ATP2C2: variants seen among roughly 807,000 people sequenced by gnomAD.
The protein encoded by ATP2C2 is ATPase secretory pathway Ca2+ transporting 2.
A neutral mutation model predicts 110.8 loss-of-function variants in ATP2C2; 171 were observed. That is an observed-to-expected ratio of 1.54 (90% CI 1.36 to 1.75). ATP2C2 has a LOEUF of 1.75. ATP2C2 is among the 40% of genes most tolerant of loss of function. ATP2C2 has a pLI of 0.00. For missense variants in ATP2C2, 1,963 were observed against 1,235.0 expected (o/e 1.59, Z -8.84); for synonymous variants, 804 against 508.4 (o/e 1.58, Z -7.82).
At chr16:84,451,411 C>T (rs1178718782) in intron 17 of ATP2C2, among the ~76,000 whole-genome samples, 1 of 152,222 alleles carries the variant, frequency 6.6e-6, no homozygotes, top group Admixed American at 6.5e-5. Context: ...CTGTTTCTGG[C>T]TTCCTTCTCC....
chr16:84,449,044 A>T, intron 17 of ATP2C2, among the ~76,000 whole-genome samples: 1 of 152,080 alleles, frequency 6.6e-6, no homozygotes, highest in African/African-American at 2.4e-5. Flanking sequence ...CAAGGAACAT[A>T]TTTTTTCCCT....
intron 17 of ATP2C2, among the ~76,000 whole-genome samples, chr16:84,450,033 G>T (rs531863994): frequency 3.9e-5 from 6 of 152,378 alleles, no homozygotes; most frequent in African/African-American, 1.4e-4. Context: ...GCCTTCGCCC[G>T]GATGTCTGCT....
At chr16:84,459,514 A>C in intron 23 of ATP2C2, 128 bp downstream of exon 23, 1 of 1,562,488 alleles carries the variant, frequency 6.4e-7, no homozygotes, top group South Asian at 1.2e-5. Context: ...AGGAGTTCCC[A>C]GAAAACTGAA....
intron 16 of ATP2C2, among the ~76,000 whole-genome samples, chr16:84,447,096 A>T (rs1249724216): frequency 6.6e-6 from 1 of 152,178 alleles, no homozygotes; most frequent in Admixed American, 6.5e-5. Flanking sequence ...TTTCCTTAAA[A>T]GCTATTTTTT....
chr16:84,401,089 C>T (rs1460193058), intron 2 of ATP2C2, among the ~76,000 whole-genome samples: 4 of 152,112 alleles, frequency 2.6e-5, no homozygotes, highest in Non-Finnish European at 5.9e-5. Flanking sequence ...TCCATTTATC[C>T]ATTTTTGCTT....
intron 1 of ATP2C2, among the ~76,000 whole-genome samples, chr16:84,395,413 G>T (rs543901843): frequency 6.6e-6 from 1 of 151,940 alleles, no homozygotes; most frequent in Admixed American, 6.5e-5. Context: ...AAAGGTTGGG[G>T]GCACATGCTA....
intron 26 of ATP2C2, chr16:84,462,423 G>C: frequency 3.1e-6 from 1 of 324,146 alleles, no homozygotes; most frequent in South Asian, 6.1e-5. Flanking sequence ...AGCACGTGCA[G>C]GGAGGAAGGA....
chr16:84,368,720 T>G lies in ATP2C2; in HGVS notation c.99+6T>G. On this transcript the variant is annotated splice_donor_region_variant and intron_variant, in intron 1 of 26. Transcript: ENST00000262429. ...AGGACGAAGAGGAAGCCTTGGTGAG[T>G]CCCCGCGACTCCGCGCCGGGCGTGC... 1 of 1,515,518 alleles carries G rather than the reference T, an allele frequency of 6.6e-7. No homozygotes were observed. Among genetic ancestry groups the G allele is most frequent in the South Asian group, 1.2e-5 (1 of 81,680 alleles). The allele number at this position is 1,515,518 out of a possible 1,614,324, so 93.9% of individuals were successfully genotyped here.
At chr16:84,447,020 A>G (rs1909813006) in intron 16 of ATP2C2, among the ~76,000 whole-genome samples, 1 of 151,512 alleles carries the variant, frequency 6.6e-6, no homozygotes, top group Admixed American at 6.6e-5. Flanking sequence ...AGCTATGGCC[A>G]CCCCGGGTGG....
Position 84,422,631 on chromosome 16 carries a change from G to A in ATP2C2, c.777G>A (p.Gly259=), listed in dbSNP as rs761320433. ...ACTTCTCTCTCTCCTGGACACAGGG[G>A]GTCGTGATTGGAACAGGGGAAAGCT... ...GTLVQYGRGQ[G]VVIGTGESSQ... The change falls in exon 9 of 27, where the codon GGG becomes GGA. Residue 259 remains glycine, a splice_region_variant and synonymous_variant. Coordinates refer to ENST00000262429, the MANE Select transcript of ATP2C2 (RefSeq NM_014861.4). The A allele has an allele frequency of 6.2e-7, 1 of 1,613,190 alleles. No homozygotes were observed. Among genetic ancestry groups the A allele is most frequent in the Non-Finnish European group, 8.5e-7 (1 of 1,179,638 alleles).
At chr16:84,442,422 C>G (rs1909348818) in intron 14 of ATP2C2, 88 bp from the exon 15 acceptor site, 27 of 1,262,220 alleles carry the variant, frequency 2.1e-5, no homozygotes, top group African/African-American at 2.9e-5. Context: ...CCCCACAACC[C>G]CAGCTGTAAA....
chr16:84,440,549 C>T (rs901204140), intron 13 of ATP2C2, among the ~76,000 whole-genome samples: 2 of 152,182 alleles, frequency 1.3e-5, no homozygotes, highest in Non-Finnish European at 2.9e-5. Flanking sequence ...AACACGTTTA[C>T]CCAGCGCTGT....
chr16:84,421,700 C>T lies in ATP2C2; in HGVS notation c.625-690C>T, dbSNP rs560702168. 6.6e-5 allele frequency among the ~76,000 whole-genome samples: 10 copies of T among 152,256 alleles called. No individual in the cohort carries two copies. In the East Asian group the frequency reaches 1.9e-3, roughly 29 times the overall value. ...AAGAGTATCGTTTCTGGAACCAGAG[C>T]TTCGGTTCAAATCTCTGTTTTGCCA... On this transcript the variant is annotated intron_variant, in intron 7 of 26. Transcript: ENST00000262429.
At chr16:84,423,298 G>C in intron 10 of ATP2C2, 35 bp downstream of exon 10, 1 of 1,587,398 alleles carries the variant, frequency 6.3e-7, no homozygotes, top group Admixed American at 1.7e-5. Flanking sequence ...GGTTTGTTCT[G>C]CAGATGGAGG....
In ATP2C2 at chr16:84,439,417, G is replaced by A. The variant is rs145163175; in HGVS notation, c.1112-10G>A. 3 of 1,613,918 alleles carry A rather than the reference G, an allele frequency of 1.9e-6. No homozygotes were observed. Among genetic ancestry groups the A allele is most frequent in the Non-Finnish European group, 2.5e-6 (3 of 1,179,958 alleles). On this transcript the variant is annotated splice_polypyrimidine_tract_variant and intron_variant, in intron 12 of 26. Coordinates refer to ENST00000262429, the MANE Select transcript of ATP2C2 (RefSeq NM_014861.4). ...ACTTCTCTTCTATAAACTGGTGTTTGTTGTACCAGGTTGCTGCAGCGTTCT... is the reference window on the plus strand; with the variant it reads ...ACTTCTCTTCTATAAACTGGTGTTTATTGTACCAGGTTGCTGCAGCGTTCT...
chr16:84,379,190 C>A (rs1413457712), intron 1 of ATP2C2, among the ~76,000 whole-genome samples: 1 of 150,154 alleles, frequency 6.7e-6, no homozygotes, highest in South Asian at 2.2e-4. Flanking sequence ...CTGTCGTTTC[C>A]TTTCCTTTCC....
intron 1 of ATP2C2, among the ~76,000 whole-genome samples, chr16:84,378,749 C>T (rs1368043426): frequency 6.6e-6 from 1 of 152,192 alleles, no homozygotes; most frequent in Non-Finnish European, 1.5e-5. Flanking sequence ...ACGGCCCCCT[C>T]CTTGAAAAAT....
intron 4 of ATP2C2, among the ~76,000 whole-genome samples, chr16:84,408,939 C>G (rs1483207880): frequency 6.6e-6 from 1 of 152,042 alleles, no homozygotes; most frequent in Non-Finnish European, 1.5e-5. Flanking sequence ...TGAGTACATT[C>G]ATGATATGGT....
At chr16:84,379,597 G>T (rs953269265) in intron 1 of ATP2C2, among the ~76,000 whole-genome samples, 1 of 152,172 alleles carries the variant, frequency 6.6e-6, no homozygotes, top group Non-Finnish European at 1.5e-5. Flanking sequence ...AACTCTGGGC[G>T]GGGTCCCAGC....
Sources: allele counts gnomAD v4.1 joint callset (sites outside exome capture counted in the v4.1 genomes callset), GRCh38; gene constraint gnomAD v4.1.1; transcripts MANE v1.5; gene names NCBI Gene and HGNC (gene_info 2026-07-23, HGNC 2026-07-21).